The following CSMD1 variants were observed in gnomAD, a reference collection of about 807,000 sequenced individuals.
CSMD1 encodes CUB and sushi domain-containing protein 1.
A neutral mutation model predicts 417.5 loss-of-function variants in CSMD1; 213 were observed. That is an observed-to-expected ratio of 0.51 (90% CI 0.46 to 0.57). The LOEUF (loss-of-function observed/expected upper bound fraction) is 0.57. CSMD1 is among the 20% of genes least tolerant of loss of function. CSMD1 has a pLI of 0.00. For synonymous variants in CSMD1, 2,862 were observed against 1,736.8 expected (o/e 1.65, Z -16.11); for missense variants, 6,923 against 4,529.7 (o/e 1.53, Z -15.17).
chr8:4,454,544 C>T (rs1158438795), intron 2 of CSMD1, among the ~76,000 whole-genome samples: 1 of 152,114 alleles, frequency 6.6e-6, no homozygotes, highest in Non-Finnish European at 1.5e-5. Context: ...ATTTCTAATA[C>T]AGAGCACCTT....
At chr8:4,270,504 TTC>T (rs1198007854) in intron 3 of CSMD1, among the ~76,000 whole-genome samples, 1 of 152,120 alleles carries the variant, frequency 6.6e-6, no homozygotes, top group East Asian at 1.9e-4. Context: ...CTCCAGGCTT[TTC>T]TGAGTCTCCT....
At chr8:2,951,449 A>C (rs1802626773) in intron 65 of CSMD1, among the ~76,000 whole-genome samples, 174 bp from the exon 66 acceptor site, 1 of 152,168 alleles carries the variant, frequency 6.6e-6, no homozygotes, top group African/African-American at 2.4e-5. Flanking sequence ...AACTCAAAAG[A>C]AGCAGGTGCG....
intron 19 of CSMD1, among the ~76,000 whole-genome samples, chr8:3,367,461 G>C (rs1051598604): frequency 1.3e-5 from 2 of 152,032 alleles, no homozygotes; most frequent in African/African-American, 2.4e-5. Flanking sequence ...GAGAGATGGA[G>C]AGGAGAGAGA....
At chr8:4,263,935 A>G (rs528961690) in intron 3 of CSMD1, among the ~76,000 whole-genome samples, 167 of 152,296 alleles carry the variant, frequency 1.1e-3, no homozygotes, top group Non-Finnish European at 1.7e-3. Context: ...GTGTTTTTCT[A>G]TCTATATAAT....
At chr8:2,991,060 C>A (rs1806342376) in intron 54 of CSMD1, among the ~76,000 whole-genome samples, 1 of 152,164 alleles carries the variant, frequency 6.6e-6, no homozygotes, top group African/African-American at 2.4e-5. Context: ...AACTTGGGCT[C>A]ATATCTTTTG....
At chr8:4,719,052 A>G (rs1342303820) in intron 1 of CSMD1, among the ~76,000 whole-genome samples, 2 of 152,116 alleles carry the variant, frequency 1.3e-5, no homozygotes, top group Admixed American at 6.5e-5. Flanking sequence ...ACTGGTGAAG[A>G]AAAAAAAGAG....
At chr8:3,788,969 T>A (rs974105453) in intron 5 of CSMD1, among the ~76,000 whole-genome samples, 2 of 152,156 alleles carry the variant, frequency 1.3e-5, no homozygotes, top group African/African-American at 4.8e-5. Flanking sequence ...ATGCAGATAA[T>A]CTGATTCCAA....
intron 7 of CSMD1, among the ~76,000 whole-genome samples, chr8:3,674,267 T>A (rs974880893): frequency 6.6e-6 from 1 of 152,220 alleles, no homozygotes; most frequent in East Asian, 1.9e-4. Context: ...CTGTAACCCA[T>A]GTTGCTTTAT....
intron 1 of CSMD1, among the ~76,000 whole-genome samples, chr8:4,683,397 C>A (rs1190891297): frequency 6.6e-6 from 1 of 152,144 alleles, no homozygotes; most frequent in Admixed American, 6.5e-5. Context: ...TTTCTGAGAC[C>A]TGTCCTTACA....
At position 3,029,531 on chromosome 8, in the gene CSMD1, A is replaced by G. The variant is rs751356137; in HGVS notation, c.7661-18T>C. On this transcript the variant is annotated intron_variant, in intron 50 of 69. Coordinates refer to ENST00000635120, the MANE Select transcript of CSMD1 (RefSeq NM_033225.6). ...AGCGACCGCTGGAAGGGAAACGTAC[A>G]TCACATCATCATTTTTCTTTTTTGG... 1.3e-6 allele frequency: 2 copies of G among 1,565,114 alleles called. No individual in the cohort carries two copies. The highest frequency in any genetic ancestry group is 2.3e-5 in the South Asian group (2 of 85,382).
chr8:3,958,398 G>A (rs533314097), intron 5 of CSMD1, among the ~76,000 whole-genome samples: 1 of 150,904 alleles, frequency 6.6e-6, no homozygotes, highest in African/African-American at 2.4e-5. Flanking sequence ...CCAAAAAGGA[G>A]GCAGAAAAAA....
intron 9 of CSMD1, among the ~76,000 whole-genome samples, chr8:3,585,493 C>T (rs1291660936): frequency 6.6e-6 from 1 of 152,034 alleles, no homozygotes; most frequent in African/African-American, 2.4e-5. Context: ...TTTAAAACAA[C>T]CAAAATAATT....
intron 26 of CSMD1, among the ~76,000 whole-genome samples, chr8:3,261,340 C>G (rs1331588026): frequency 6.6e-6 from 1 of 152,132 alleles, no homozygotes; most frequent in Non-Finnish European, 1.5e-5. Context: ...TCTGCAATTG[C>G]ATTCTTGGGC....
chr8:3,284,226 G>C lies in CSMD1; in HGVS notation c.4071C>G (p.Ile1357Met). The C allele has an allele frequency of 1.2e-6, 2 of 1,612,772 alleles. No individual in the cohort carries two copies. Among genetic ancestry groups the C allele is most frequent in the Non-Finnish European group, 1.7e-6 (2 of 1,179,452 alleles). ...EWSGSALPED[I>M]HSTFNSLTLQ... ...GGGTGAGTGAGTTGAAGGTGCTGTGGATGTCCTCCGGAAGGGCGGAGCCAC... is the reference window on the plus strand; with the variant it reads ...GGGTGAGTGAGTTGAAGGTGCTGTGCATGTCCTCCGGAAGGGCGGAGCCAC... The change falls in exon 26 of 70, where the codon ATC becomes ATG. Residue 1357 changes from isoleucine (I) to methionine (M), a missense_variant. By Grantham distance (10) the Ile-to-Met change is conservative. Coordinates refer to ENST00000635120, the MANE Select transcript of CSMD1 (RefSeq NM_033225.6).
intron 7 of CSMD1, among the ~76,000 whole-genome samples, chr8:3,617,723 G>A (rs1332106039): frequency 6.6e-6 from 1 of 152,164 alleles, no homozygotes; most frequent in Non-Finnish European, 1.5e-5. Context: ...ACCTGGACCT[G>A]CTACCTTATT....
chr8:4,877,050 G>T (rs1803088184), intron 1 of CSMD1, among the ~76,000 whole-genome samples: 1 of 152,028 alleles, frequency 6.6e-6, no homozygotes, highest in Admixed American at 6.5e-5. Context: ...TCCTTATGTG[G>T]AGATTAATTT....
chr8:4,814,918 G>A lies in CSMD1; in HGVS notation c.86-177360C>T, dbSNP rs576243085. Among the ~76,000 whole-genome samples the A allele has an allele frequency of 6.9e-4, 105 of 152,222 alleles. 3 individuals are homozygous for A. In the South Asian group the frequency reaches 0.02, roughly 29 times the overall value. ...ATATAATCACAAAACTACGTATTTG[G>A]TTGAATAAACATTTTGCATTATGAC... On this transcript the variant is annotated intron_variant, in intron 1 of 69. Transcript: ENST00000635120.
At chr8:4,816,361 C>G (rs985801631) in intron 1 of CSMD1, among the ~76,000 whole-genome samples, 2 of 151,594 alleles carry the variant, frequency 1.3e-5, no homozygotes, top group African/African-American at 4.8e-5. Context: ...ATTTTTGAAT[C>G]TTTAGTACAA....
At chr8:3,835,309 G>C (rs1432063476) in intron 5 of CSMD1, among the ~76,000 whole-genome samples, 2 of 152,080 alleles carry the variant, frequency 1.3e-5, no homozygotes, top group African/African-American at 4.8e-5. Context: ...CAAAGACTTG[G>C]AACCATCCCA....
Sources: allele counts gnomAD v4.1 joint callset (sites outside exome capture counted in the v4.1 genomes callset), GRCh38; gene constraint gnomAD v4.1.1; transcripts MANE v1.5; gene names NCBI Gene and HGNC (gene_info 2026-07-23, HGNC 2026-07-21).